The following PCDHGB6 variants were observed in gnomAD, a reference collection of about 807,000 sequenced individuals.
The protein encoded by PCDHGB6 is protocadherin gamma subfamily B, 6, also known as protocadherin gamma-B6.
In PCDHGB6, 51 loss-of-function variants were observed where a neutral mutation model predicts 59.1. The observed-to-expected ratio is 0.86, with a 90% CI of 0.69 to 1.09. The LOEUF (loss-of-function observed/expected upper bound fraction) is 1.09, where lower values mean the gene tolerates loss of function less well. Among genes scored for constraint, PCDHGB6 ranks in the 50% least tolerant of loss-of-function variants. PCDHGB6 has a pLI of 0.00. For missense variants in PCDHGB6, 1,148 were observed against 1,205.1 expected, an observed-to-expected ratio of 0.95 and a Z score of 0.70; for synonymous variants, 466 against 495.1, an observed-to-expected ratio of 0.94 and a Z score of 0.78.
At chr5:141,450,506 G>A (rs2098682958) in intron 1 of PCDHGB6, among the ~76,000 whole-genome samples, 2 of 151,914 alleles carry the variant, frequency 1.3e-5, no homozygotes, top group Admixed American at 6.6e-5. Context: ...TTTGTTTTGA[G>A]ATGGAGTCTC....
intron 1 of PCDHGB6, among the ~76,000 whole-genome samples, chr5:141,494,034 A>T (rs1206242414): frequency 1.3e-5 from 2 of 152,162 alleles, no homozygotes; most frequent in Non-Finnish European, 2.9e-5. Flanking sequence ...CTGGAGACTT[A>T]GTTGGCCCTG....
At chr5:141,433,123 C>A in intron 1 of PCDHGB6, 1 of 1,614,116 alleles carries the variant, frequency 6.2e-7, no homozygotes, top group Non-Finnish European at 8.5e-7. Context: ...TTGAAAAAAG[C>A]GAGCCCCTTT....
intron 1 of PCDHGB6, chr5:141,478,576 G>T (rs543160289): frequency 5.0e-6 from 8 of 1,585,598 alleles, no homozygotes; most frequent in Non-Finnish European, 6.9e-6. Flanking sequence ...GCTTGACCCT[G>T]TTAGTGCTTT....
intron 1 of PCDHGB6, among the ~76,000 whole-genome samples, chr5:141,451,985 A>G (rs1460304088): frequency 6.6e-6 from 1 of 152,202 alleles, no homozygotes; most frequent in Non-Finnish European, 1.5e-5. Context: ...TAGTTTGTTC[A>G]TTAGAAGCAA....
rs567174433 is a variant in PCDHGB6, at chr5:141,443,351, G to A, written c.2418+32731G>A. On this transcript the variant is annotated intron_variant, in intron 1 of 3. Coordinates refer to ENST00000520790, the MANE Select transcript of PCDHGB6 (RefSeq NM_018926.3). ...AAAACAAAAATTAACAAGGTTTAGT[G>A]GTCCATGCCTGTGGTCTCAGCTACT... 6.6e-5 allele frequency among the ~76,000 whole-genome samples: 10 copies of A among 152,072 alleles called. No homozygotes were observed. The South Asian group carries it at 2.1e-3, about 32-fold the overall frequency.
At chr5:141,484,876 A>C in intron 1 of PCDHGB6, 1 of 315,240 alleles carries the variant, frequency 3.2e-6, no homozygotes, top group Non-Finnish European at 5.8e-6. Flanking sequence ...CGTGGAGGAT[A>C]GGGTGGGCTT....
intron 1 of PCDHGB6, among the ~76,000 whole-genome samples, chr5:141,454,209 T>A (rs2098783885): frequency 6.6e-6 from 1 of 152,088 alleles, no homozygotes; most frequent in South Asian, 2.1e-4. Flanking sequence ...TTTATTGACA[T>A]GAATGAGAAA....
chr5:141,478,092 C>T (rs2099429960), intron 1 of PCDHGB6: 1 of 1,614,156 alleles, frequency 6.2e-7, no homozygotes, highest in Non-Finnish European at 8.5e-7. Flanking sequence ...CTCTCCACCA[C>T]TGCTACCCTC....
At chr5:141,484,050 C>T (rs1262678828) in intron 1 of PCDHGB6, among the ~76,000 whole-genome samples, 1 of 151,984 alleles carries the variant, frequency 6.6e-6, no homozygotes, top group Non-Finnish European at 1.5e-5. Flanking sequence ...CAAGAGGTCC[C>T]CTGGGGCTAA....
intron 1 of PCDHGB6, among the ~76,000 whole-genome samples, chr5:141,434,579 A>T (rs931282309): frequency 6.6e-6 from 1 of 152,232 alleles, no homozygotes; most frequent in African/African-American, 2.4e-5. Context: ...CCTGCTGCAG[A>T]TAACTACCTC....
rs2099692814 is a variant in PCDHGB6 at position 141,489,840 on chromosome 5, G to A, written c.2419-4967G>A. 6.2e-7 allele frequency: 1 copy of A among 1,614,190 alleles called. No individual in the cohort carries two copies. The highest frequency in any genetic ancestry group is 8.5e-7 in the Non-Finnish European group (1 of 1,179,990). On this transcript the variant is annotated intron_variant, in intron 1 of 3. Coordinates refer to ENST00000520790, the MANE Select transcript of PCDHGB6 (RefSeq NM_018926.3). The surrounding 1 kb of genome is among the most constrained non-coding windows in gnomAD (Gnocchi z 4.5). ...CAGAGCTGGTGCTAGAGCAGCAGCT[G>A]GATCGTGAAGCCCAGGCAAGACATC... is the stretch of plus-strand genomic sequence containing the variant.
At chr5:141,481,982 G>A (rs1378873905) in intron 1 of PCDHGB6, among the ~76,000 whole-genome samples, 2 of 151,628 alleles carry the variant, frequency 1.3e-5, no homozygotes, top group African/African-American at 2.4e-5. Context: ...CTACTTGGGA[G>A]GTTGAAGCAG....
chr5:141,418,730 G>GT, intron 1 of PCDHGB6: 1 of 1,613,952 alleles, frequency 6.2e-7, no homozygotes, highest in Non-Finnish European at 8.5e-7. Context: ...AGCTCAGCAC[G>GT]TGTTCTCTCT....
intron 2 of PCDHGB6, among the ~76,000 whole-genome samples, chr5:141,497,735 C>T (rs1299892535): frequency 2.6e-5 from 4 of 152,144 alleles, no homozygotes; most frequent in Non-Finnish European, 4.4e-5. Flanking sequence ...AGATGGGTTT[C>T]GCCACGTTGG....
intron 1 of PCDHGB6, chr5:141,426,420 C>T (rs2096934904): frequency 3.5e-6 from 1 of 287,972 alleles, no homozygotes; most frequent in Non-Finnish European, 6.9e-6. Flanking sequence ...TCCAGGGCTC[C>T]GTGGTGGGGA....
chr5:141,478,319 T>A, intron 1 of PCDHGB6: 4 of 1,614,052 alleles, frequency 2.5e-6, no homozygotes, highest in Non-Finnish European at 3.4e-6. Flanking sequence ...GAGCTCACTG[T>A]ACCGAACACC....
Position 141,485,342 on chromosome 5 carries a change from G to C in PCDHGB6, c.2419-9465G>C. 1.2e-6 allele frequency: 2 copies of C among 1,614,164 alleles called. No individual in the cohort carries two copies. Among genetic ancestry groups the C allele is most frequent in the Non-Finnish European group, 1.7e-6 (2 of 1,180,026 alleles). On this transcript the variant is annotated intron_variant, in intron 1 of 3. Coordinates refer to ENST00000520790, the MANE Select transcript of PCDHGB6 (RefSeq NM_018926.3). The surrounding 1 kb of genome is among the most constrained non-coding windows in gnomAD (Gnocchi z 5.7). The stretch of plus-strand genomic sequence containing the variant: ...CGCTCAAGATTTCCTGCTGGATACG[G>C]ACAGTCTGTCAGCTCGCAGGCTGCA...
At chr5:141,425,524 G>C (rs2096881323) in intron 1 of PCDHGB6, among the ~76,000 whole-genome samples, 1 of 152,184 alleles carries the variant, frequency 6.6e-6, no homozygotes, top group Non-Finnish European at 1.5e-5. Context: ...GATGAAACAT[G>C]AAACAATAAT....
rs765353257 is a variant in PCDHGB6 at position 141,431,824 on chromosome 5, G to A, written c.2418+21204G>A. On this transcript the variant is annotated intron_variant, in intron 1 of 3. Coordinates refer to ENST00000520790, the MANE Select transcript of PCDHGB6 (RefSeq NM_018926.3). The surrounding 1 kb of genome is among the most constrained non-coding windows in gnomAD (Gnocchi z 4.8). ...TGGTCCTCACCTCTCTCGCCAGCTC[G>A]GTTCCCGAAAACTCTCCCAGAGGGA... is the stretch of plus-strand genomic sequence containing the variant. The A allele has an allele frequency of 1.3e-5, 21 of 1,614,092 alleles. No homozygotes were observed. In the South Asian group the frequency reaches 2.1e-4, roughly 16 times the overall value.
Sources: allele counts gnomAD v4.1 joint callset (sites outside exome capture counted in the v4.1 genomes callset), GRCh38; gene constraint gnomAD v4.1.1; non-coding constraint Gnocchi (gnomAD v3.1); transcripts MANE v1.5; gene names NCBI Gene and HGNC (gene_info 2026-07-23, HGNC 2026-07-21).